The following UPF2 variants were observed in gnomAD, a reference collection of about 807,000 sequenced individuals.
The protein encoded by UPF2 is UPF2 regulator of nonsense mediated mRNA decay, also known as regulator of nonsense transcripts 2.
Under a neutral mutation model 141.4 loss-of-function variants are expected in UPF2, and 17 were observed. That is an observed-to-expected ratio of 0.12 (90% confidence interval 0.08 to 0.18). The LOEUF (loss-of-function observed/expected upper bound fraction) is 0.18. Among genes scored for constraint, UPF2 ranks in the 10% least tolerant of loss-of-function variants. The pLI, the probability that UPF2 is intolerant of heterozygous loss-of-function variation, is 1.00. For missense variants in UPF2, 1,152 were observed against 1,515.9 expected (o/e 0.76, Z 3.99); for synonymous variants, 540 against 498.0 (o/e 1.08, Z -1.12).
rs1411952150 is a variant in UPF2, at chr10:11,935,676, G to C, written c.3546+869C>G. 6.6e-6 allele frequency among the ~76,000 whole-genome samples: 1 copy of C among 152,200 alleles called. No individual in the cohort carries two copies. Among genetic ancestry groups the C allele is most frequent in the Non-Finnish European group, 1.5e-5 (1 of 68,026 alleles). ...ACCATGTTTCACTATCTGCAAATAT[G>C]TGCGTTTGTCTCTCTGCTCTCTCAG... On this transcript the variant is annotated intron_variant, in intron 19 of 21. Transcript: ENST00000357604. This position sits in a 1 kb window ranked among gnomAD's most constrained non-coding sequence, Gnocchi z 4.9.
chr10:12,024,294 T>C (rs1185269183), intron 3 of UPF2, among the ~76,000 whole-genome samples: 1 of 151,398 alleles, frequency 6.6e-6, no homozygotes, highest in Non-Finnish European at 1.5e-5. Flanking sequence ...CATATCTCTA[T>C]GTTTACAAAA....
chr10:12,032,735 C>A (rs1461283313), intron 2 of UPF2, among the ~76,000 whole-genome samples: 3 of 135,160 alleles, frequency 2.2e-5, no homozygotes, highest in Non-Finnish European at 3.2e-5. Context: ...AAGACCCTGT[C>A]TCAAAAAAAA....
chr10:11,996,309 G>A (rs1171688617), intron 8 of UPF2, among the ~76,000 whole-genome samples: 1 of 151,012 alleles, frequency 6.6e-6, no homozygotes, highest in African/African-American at 2.4e-5. Context: ...TAGAATACTT[G>A]CATCTTTTTT....
intron 9 of UPF2, among the ~76,000 whole-genome samples, chr10:11,970,510 A>G (rs1833398747): frequency 6.6e-6 from 1 of 152,156 alleles, no homozygotes; most frequent in Non-Finnish European, 1.5e-5. Flanking sequence ...AAAGCACATC[A>G]AAAACTACAC....
chr10:12,040,820 T>C (rs952582473), intron 1 of UPF2, among the ~76,000 whole-genome samples: 4 of 152,210 alleles, frequency 2.6e-5, no homozygotes, highest in East Asian at 3.8e-4. Context: ...AATTCTAGCA[T>C]AGTAACTAGC....
At chr10:12,024,352 A>G (rs375024470) in intron 3 of UPF2, among the ~76,000 whole-genome samples, 1 of 152,086 alleles carries the variant, frequency 6.6e-6, no homozygotes, top group South Asian at 2.1e-4. Flanking sequence ...GCTGACGCCT[A>G]TAATCCCAGC....
chr10:11,999,512 CAA>C (rs1325502291), intron 7 of UPF2, among the ~76,000 whole-genome samples: 6,523 of 99,684 alleles, frequency 0.065, 163 homozygotes, highest in South Asian at 0.21. Context: ...GACTCCATCT[CAA>C]AAAAAAAAAA....
At chr10:11,943,683 T>C (rs1832964918) in intron 16 of UPF2, among the ~76,000 whole-genome samples, 1 of 152,212 alleles carries the variant, frequency 6.6e-6, no homozygotes, top group South Asian at 2.1e-4. Context: ...ACAAGCTTTA[T>C]TGTTCCTATT....
chr10:11,977,263 A>G (rs1471911621), intron 9 of UPF2, among the ~76,000 whole-genome samples: 2 of 152,170 alleles, frequency 1.3e-5, no homozygotes, highest in East Asian at 3.8e-4. Flanking sequence ...TGATTTAAGG[A>G]TGTGAGTGGT....
At position 12,005,870 on chromosome 10, in the gene UPF2, GTTTA is replaced by G. The variant is rs575766697; in HGVS notation, c.1307-1147_1307-1144del. On this transcript the variant is annotated intron_variant, in intron 4 of 21. Coordinates refer to ENST00000357604, the MANE Select transcript of UPF2 (RefSeq NM_015542.4). ...ACAGGCGTGAGCCACCACGCCCAGC[GTTTA>G]TTTATTATTTATTTTTTTGAATTGA... Among the ~76,000 whole-genome samples, 577 of 145,926 alleles carry G rather than the reference GTTTA, an allele frequency of 4.0e-3. 5 individuals are homozygous for G. Among genetic ancestry groups the G allele is most frequent in the African/African-American group, 0.013 (532 of 39,706 alleles).
intron 8 of UPF2, among the ~76,000 whole-genome samples, chr10:11,981,443 T>C (rs1284287890): frequency 1.3e-5 from 2 of 152,186 alleles, no homozygotes; most frequent in Non-Finnish European, 2.9e-5. Flanking sequence ...GTCAGCAATA[T>C]GATAGCTTTG....
At chr10:12,035,761 A>AGGTG in intron 1 of UPF2, 1 of 189,352 alleles carries the variant, frequency 5.3e-6, no homozygotes. Flanking sequence ...ATCAACTCCA[A>AGGTG]AACAATATGT....
intron 16 of UPF2, 104 bp from the exon 17 acceptor site, chr10:11,943,272 C>T (rs1235804053): frequency 9.7e-7 from 1 of 1,031,808 alleles, no homozygotes; most frequent in Non-Finnish European, 1.4e-6. Flanking sequence ...GTTTATTATT[C>T]TCAAGTTTTA....
intron 15 of UPF2, among the ~76,000 whole-genome samples, chr10:11,950,088 T>C (rs1833054145): frequency 6.6e-6 from 1 of 152,140 alleles, no homozygotes; most frequent in Non-Finnish European, 1.5e-5. Context: ...TAGAAAAATA[T>C]GTATTAAAAT....
At chr10:12,015,217 T>C (rs1480224076) in intron 3 of UPF2, among the ~76,000 whole-genome samples, 1 of 152,226 alleles carries the variant, frequency 6.6e-6, no homozygotes, top group African/African-American at 2.4e-5. Flanking sequence ...TTTTATTTCT[T>C]GTTATTTGCG....
Position 11,964,093 on chromosome 10 carries a change from A to G in UPF2, c.2100T>C (p.Ile700=), listed in dbSNP as rs566860878. The change falls in exon 11 of 22, where the codon ATT becomes ATC. Residue 700 remains isoleucine (I), a synonymous_variant. Transcript: ENST00000357604. ...TCTCCAGCAGGGTGCATGCCATTTCAATATGGTGATGAGAGAAGTCTGACA... is the reference window on the plus strand; with the variant it reads ...TCTCCAGCAGGGTGCATGCCATTTCGATATGGTGATGAGAGAAGTCTGACA... The part of the protein sequence containing the change: ...MLLSDFSHHH[I]EMACTLLETC... The G allele has an allele frequency of 1.7e-5, 27 of 1,613,734 alleles. 1 individual carries two copies. In the South Asian group the frequency reaches 2.7e-4, roughly 16 times the overall value.
intron 6 of UPF2, 26 bp from the exon 7 acceptor site, chr10:12,000,035 G>T: frequency 6.6e-7 from 1 of 1,505,466 alleles, no homozygotes; most frequent in Non-Finnish European, 9.0e-7. Context: ...TTTTTAAATA[G>T]GTTAAAAAAA....
At chr10:11,949,230 G>T (rs1833043528) in intron 15 of UPF2, among the ~76,000 whole-genome samples, 1 of 152,092 alleles carries the variant, frequency 6.6e-6, no homozygotes, top group South Asian at 2.1e-4. Flanking sequence ...TGATCCCACT[G>T]ATCTGCTACC....
At chr10:11,938,868 T>TTTTTTTTTTTTTTTGTTTTTTTTTTTG (rs1832897606) in intron 18 of UPF2, among the ~76,000 whole-genome samples, 3 of 90,822 alleles carry the variant, frequency 3.3e-5, no homozygotes, top group African/African-American at 3.7e-5. Flanking sequence ...TTTTTTTTTT[T>TTTTTTTTTTTTTTTGTTTTTTTTTTTG]TTTTTTTTTT....
Sources: gnomAD v4.1 joint callset for allele counts (sites outside exome capture counted in the v4.1 genomes callset) on GRCh38, gnomAD v4.1.1 for gene constraint, Gnocchi (gnomAD v3.1) non-coding constraint, MANE v1.5 for transcripts, NCBI Gene and HGNC (gene_info 2026-07-23, HGNC 2026-07-21) for gene names.